SUPT3H: variants seen among roughly 807,000 people sequenced by gnomAD.
SUPT3H encodes SPT3 homolog, SAGA and STAGA complex component.
A neutral mutation model predicts 44.3 loss-of-function variants in SUPT3H; 44 were observed. The ratio of observed to expected loss-of-function variants is 0.99; its 90% CI spans 0.78 to 1.28. SUPT3H has a LOEUF of 1.28. SUPT3H is among the 50% of genes most tolerant of loss of function. The pLI is 0.00. For missense variants in SUPT3H, 380 were observed against 387.1 expected, an observed-to-expected ratio of 0.98 and a Z score of 0.15; for synonymous variants, 124 against 125.6, an observed-to-expected ratio of 0.99 and a Z score of 0.09.
intron 5 of SUPT3H, among the ~76,000 whole-genome samples, chr6:45,011,795 T>C (rs1783526951): frequency 6.6e-6 from 1 of 152,102 alleles, no homozygotes; most frequent in African/African-American, 2.4e-5. Context: ...ATTATCTTTA[T>C]AAATGTGTGG....
At chr6:45,323,843 A>ATAC (rs1785928820) in intron 2 of SUPT3H, among the ~76,000 whole-genome samples, 2 of 152,120 alleles carry the variant, frequency 1.3e-5, no homozygotes, top group Non-Finnish European at 2.9e-5. Context: ...GTTCCAACGT[A>ATAC]TACTATAATG....
At chr6:45,340,235 A>C (rs1004216501) in intron 2 of SUPT3H, among the ~76,000 whole-genome samples, 1 of 152,186 alleles carries the variant, frequency 6.6e-6, no homozygotes, top group African/African-American at 2.4e-5. Flanking sequence ...ACCCTGCCAC[A>C]TATCTTTAAG....
intron 2 of SUPT3H, among the ~76,000 whole-genome samples, chr6:45,215,139 C>T (rs1230074683): frequency 6.6e-6 from 1 of 152,016 alleles, no homozygotes; most frequent in Non-Finnish European, 1.5e-5. Context: ...AACTCAGAAC[C>T]AAAAATCAAA....
chr6:45,090,651 T>C (rs1047976765), intron 3 of SUPT3H, among the ~76,000 whole-genome samples: 1 of 151,978 alleles, frequency 6.6e-6, no homozygotes, highest in African/African-American at 2.4e-5. Flanking sequence ...AATGTACTCA[T>C]TGAAACCGTA....
At chr6:45,077,648 G>GAAAAAAAAAAAGAAAAGA (rs5875907) in intron 3 of SUPT3H, among the ~76,000 whole-genome samples, 2 of 105,742 alleles carry the variant, frequency 1.9e-5, no homozygotes, top group Non-Finnish European at 3.9e-5. Context: ...AAAAAGAAAA[G>GAAAAAAAAAAAGAAAAGA]AAAAAAAAAA....
At chr6:44,908,126 A>G (rs1766401838) in intron 10 of SUPT3H, among the ~76,000 whole-genome samples, 1 of 150,654 alleles carries the variant, frequency 6.6e-6, no homozygotes, top group African/African-American at 2.4e-5. Flanking sequence ...ATGTAGCAAG[A>G]TTTTTAGAAA....
intron 5 of SUPT3H, among the ~76,000 whole-genome samples, chr6:45,005,140 G>A (rs1375973631): frequency 6.6e-6 from 1 of 152,100 alleles, no homozygotes; most frequent in African/African-American, 2.4e-5. Context: ...AAGTTTCCAA[G>A]ACTAATGAGG....
chr6:45,131,653 GA>G (rs1803486531), intron 2 of SUPT3H, among the ~76,000 whole-genome samples: 1 of 152,010 alleles, frequency 6.6e-6, no homozygotes, highest in Admixed American at 6.5e-5. Context: ...CAGATTGACG[GA>G]ATATGTATAA....
intron 9 of SUPT3H, among the ~76,000 whole-genome samples, chr6:44,950,340 AT>A (rs1774090540): frequency 1.3e-5 from 2 of 152,360 alleles, no homozygotes; most frequent in East Asian, 1.9e-4. Flanking sequence ...CTCCTAAGAA[AT>A]TCACAGGCAA....
intron 2 of SUPT3H, among the ~76,000 whole-genome samples, chr6:45,166,433 C>T (rs966743612): frequency 5.9e-5 from 9 of 151,630 alleles, no homozygotes; most frequent in Non-Finnish European, 1.2e-4. Flanking sequence ...CTAAAAAATA[C>T]AAAAAATTAG....
intron 3 of SUPT3H, among the ~76,000 whole-genome samples, chr6:45,039,577 C>T (rs139906173): frequency 2.0e-4 from 30 of 152,076 alleles, no homozygotes; most frequent in Admixed American, 7.9e-4. Context: ...GTCAAGAGTT[C>T]GAGACCAGCC....
At chr6:45,213,237 C>T (rs1678045048) in intron 2 of SUPT3H, among the ~76,000 whole-genome samples, 1 of 152,068 alleles carries the variant, frequency 6.6e-6, no homozygotes, top group Non-Finnish European at 1.5e-5. Flanking sequence ...AGCAACAGGA[C>T]CCCTAAAGGC....
chr6:45,161,059 T>C (rs1562579501), intron 2 of SUPT3H, among the ~76,000 whole-genome samples: 2 of 152,090 alleles, frequency 1.3e-5, no homozygotes. Flanking sequence ...ACACTCTCTC[T>C]TGCTTCTGCT....
At chr6:45,212,239 T>C (rs1764218838) in intron 2 of SUPT3H, among the ~76,000 whole-genome samples, 1 of 152,190 alleles carries the variant, frequency 6.6e-6, no homozygotes, top group Non-Finnish European at 1.5e-5. Context: ...GCTGAATCAA[T>C]TGCTTAAAAA....
At chr6:45,084,587 C>T (rs1025477404) in intron 3 of SUPT3H, among the ~76,000 whole-genome samples, 5 of 152,134 alleles carry the variant, frequency 3.3e-5, no homozygotes, top group African/African-American at 1.2e-4. Context: ...ACAGAAGTAT[C>T]ATCTGACCCA....
intron 2 of SUPT3H, among the ~76,000 whole-genome samples, chr6:45,182,180 T>G (rs964575602): frequency 6.6e-6 from 1 of 152,238 alleles, no homozygotes; most frequent in African/African-American, 2.4e-5. Context: ...TTGAGTATTC[T>G]GAAGAAGCCA....
rs998586244 is a variant in SUPT3H at position 45,015,190 on chromosome 6, T to G, written c.274-299A>C. Among the ~76,000 whole-genome samples the G allele has an allele frequency of 5.9e-5, 9 of 152,270 alleles. No individual in the cohort carries two copies. In the East Asian group the frequency reaches 1.7e-3, roughly 29 times the overall value. ...GCCTCCTCAGGAGACTTCATCGTTTTGTGAACATCACTGAATACACTTACA... is the reference window on the plus strand; with the variant it reads ...GCCTCCTCAGGAGACTTCATCGTTTGGTGAACATCACTGAATACACTTACA... On this transcript the variant is annotated intron_variant, in intron 4 of 10. Transcript: ENST00000371459.
intron 10 of SUPT3H, among the ~76,000 whole-genome samples, chr6:44,854,397 T>A (rs1248894614): frequency 1.3e-5 from 2 of 152,170 alleles, no homozygotes; most frequent in East Asian, 3.8e-4. Flanking sequence ...AGTGATCCTT[T>A]ACCACCTATT....
chr6:45,020,690 G>T, intron 3 of SUPT3H, 58 bp from the exon 4 acceptor site: 1 of 1,214,790 alleles, frequency 8.2e-7, no homozygotes, highest in Non-Finnish European at 1.2e-6. Context: ...ATATAGTACA[G>T]TCATGATGTC....
Sources: gnomAD v4.1 joint callset for allele counts (sites outside exome capture counted in the v4.1 genomes callset) on GRCh38, gnomAD v4.1.1 for gene constraint, MANE v1.5 for transcripts, NCBI Gene and HGNC (gene_info 2026-07-23, HGNC 2026-07-21) for gene names.